CACNA1C: variants seen among roughly 807,000 people sequenced by gnomAD.
The protein encoded by CACNA1C is calcium voltage-gated channel subunit alpha1 C.
CACNA1C carries 30 observed loss-of-function variants against 229.0 expected under a neutral mutation model. That is an observed-to-expected ratio of 0.13 (90% confidence interval 0.10 to 0.18). The LOEUF is 0.18. Ranked by LOEUF, CACNA1C falls within the 10% of genes least tolerant of loss-of-function variation. The pLI is 1.00. For synonymous variants in CACNA1C, 1,114 were observed against 1,132.5 expected (o/e 0.98, Z 0.33); for missense variants, 1,658 against 2,845.0 (o/e 0.58, Z 9.49).
At chr12:2,272,169 A>G (rs1409712878) in intron 3 of CACNA1C, among the ~76,000 whole-genome samples, 2 of 152,140 alleles carry the variant, frequency 1.3e-5, no homozygotes, top group African/African-American at 4.8e-5. Context: ...CCTGTCTACA[A>G]TCTGCTGTCT....
At chr12:2,206,417 C>T (rs1266686266) in intron 3 of CACNA1C, among the ~76,000 whole-genome samples, 1 of 152,196 alleles carries the variant, frequency 6.6e-6, no homozygotes, top group East Asian at 1.9e-4. Context: ...AGAGCTTGGG[C>T]TTTGGAATGG....
chr12:2,252,641 G>A (rs2075996035), intron 3 of CACNA1C, among the ~76,000 whole-genome samples: 1 of 152,216 alleles, frequency 6.6e-6, no homozygotes, highest in African/African-American at 2.4e-5. Flanking sequence ...GGCCTGGTGG[G>A]TTCCAGGAGA....
intron 3 of CACNA1C, among the ~76,000 whole-genome samples, chr12:2,149,280 C>G (rs569134395): frequency 1.7e-3 from 252 of 152,212 alleles, no homozygotes; most frequent in Non-Finnish European, 2.1e-3. Flanking sequence ...CATGCCAGGC[C>G]AGTGTGAAGA....
intron 3 of CACNA1C, among the ~76,000 whole-genome samples, chr12:2,192,452 G>A (rs2097269321): frequency 6.6e-6 from 1 of 152,216 alleles, no homozygotes; most frequent in Admixed American, 6.5e-5. Flanking sequence ...AGGCCGGGCC[G>A]GCTCACGTGG....
chr12:2,227,321 G>T (rs543095463), intron 3 of CACNA1C, among the ~76,000 whole-genome samples: 1 of 152,316 alleles, frequency 6.6e-6, no homozygotes, highest in Admixed American at 6.5e-5. Flanking sequence ...GAGTTTCCCA[G>T]ACAGACACTT....
At chr12:2,546,550 C>T (rs1329489728) in intron 9 of CACNA1C, among the ~76,000 whole-genome samples, 1 of 152,226 alleles carries the variant, frequency 6.6e-6, no homozygotes, top group East Asian at 1.9e-4. Context: ...CTGGGGTCTT[C>T]ACATTCTTCC....
chr12:2,686,565 G>A (rs1018295290), intron 45 of CACNA1C, among the ~76,000 whole-genome samples: 4 of 152,242 alleles, frequency 2.6e-5, no homozygotes, highest in Admixed American at 2.0e-4. Context: ...TTCTTAGGCT[G>A]CCACAGATGC....
At chr12:1,982,440 C>T (rs1484348378) in intron 1 of CACNA1C, among the ~76,000 whole-genome samples, 3 of 152,136 alleles carry the variant, frequency 2.0e-5, no homozygotes, top group African/African-American at 7.2e-5. Flanking sequence ...AATTTGACTA[C>T]TCTAGGTACC....
chr12:2,688,886 C>A, intron 46 of CACNA1C, 107 bp downstream of exon 46: 2 of 933,578 alleles, frequency 2.1e-6, no homozygotes, highest in Non-Finnish European at 3.1e-6. Context: ...TCATTGCAGT[C>A]AATATCTGAG....
At chr12:1,999,495 C>T (rs919146937) in intron 1 of CACNA1C, among the ~76,000 whole-genome samples, 11 of 152,100 alleles carry the variant, frequency 7.2e-5, no homozygotes, top group African/African-American at 2.2e-4. Context: ...GCAGGAGGAT[C>T]GCTTGTGGCC....
At chr12:2,616,376 A>G (rs896915530) in intron 29 of CACNA1C, among the ~76,000 whole-genome samples, 1 of 152,196 alleles carries the variant, frequency 6.6e-6, no homozygotes, top group Admixed American at 6.5e-5. Context: ...CCAGAAGTTG[A>G]CGCATATATA....
intron 3 of CACNA1C, among the ~76,000 whole-genome samples, chr12:2,177,824 A>G (rs1425717665): frequency 6.6e-6 from 1 of 151,582 alleles, no homozygotes; most frequent in East Asian, 1.9e-4. Context: ...TTTAGTAGAG[A>G]TGGGATTTTG....
chr12:2,261,736 C>CCTTGTGCA (rs1313938579), intron 3 of CACNA1C, among the ~76,000 whole-genome samples: 5 of 151,694 alleles, frequency 3.3e-5, no homozygotes, highest in Non-Finnish European at 7.4e-5. Flanking sequence ...CTAGAAGGGT[C>CCTTGTGCA]CTTGTGCAAC....
chr12:2,539,908 A>G (rs11062266), intron 9 of CACNA1C, among the ~76,000 whole-genome samples: 18,435 of 140,620 alleles, frequency 0.13, 1,883 homozygotes, highest in African/African-American at 0.2. Flanking sequence ...GAAGCCAGCA[A>G]GTACAGTACC....
chr12:2,206,706 T>C (rs531203892), intron 3 of CACNA1C, among the ~76,000 whole-genome samples: 1 of 152,338 alleles, frequency 6.6e-6, no homozygotes, highest in South Asian at 2.1e-4. Context: ...TAATTTATTC[T>C]GTCAGCTGTC....
chr12:2,390,471 C>A (rs1051889024), intron 3 of CACNA1C, among the ~76,000 whole-genome samples: 1 of 152,186 alleles, frequency 6.6e-6, no homozygotes, highest in South Asian at 2.1e-4. Flanking sequence ...AAGATATAAT[C>A]CTTGCCTTAA....
intron 3 of CACNA1C, among the ~76,000 whole-genome samples, chr12:2,360,180 CA>C (rs2097524477): frequency 8.1e-6 from 1 of 122,808 alleles, no homozygotes; most frequent in Non-Finnish European, 1.7e-5. Flanking sequence ...CCCCACCCCA[CA>C]CACACACACA....
Position 2,514,859 on chromosome 12 carries a change from G to C in CACNA1C, c.1390+1875G>C, listed in dbSNP as rs377028241. Among the ~76,000 whole-genome samples the C allele has an allele frequency of 7.2e-5, 11 of 152,202 alleles. 1 individual carries two copies. The highest frequency in any genetic ancestry group is 6.2e-4 in the South Asian group (3 of 4,826). ...ATCTAACCCATTAAATGAATAAATTGTTAGGAGAGTTCCCAGCATGGAGTA... is the reference window on the plus strand; with the variant it reads ...ATCTAACCCATTAAATGAATAAATTCTTAGGAGAGTTCCCAGCATGGAGTA... On this transcript the variant is annotated intron_variant, in intron 9 of 46. Coordinates refer to ENST00000399655, the MANE Select transcript of CACNA1C (RefSeq NM_000719.7).
At chr12:2,120,606 C>T (rs1020337566) in intron 3 of CACNA1C, among the ~76,000 whole-genome samples, 176 bp downstream of exon 3, 1 of 151,962 alleles carries the variant, frequency 6.6e-6, no homozygotes, top group African/African-American at 2.4e-5. Context: ...GCACCTGTCT[C>T]ATTCCGGCCT....
Sources: gnomAD v4.1 joint callset for allele counts (sites outside exome capture counted in the v4.1 genomes callset) on GRCh38, gnomAD v4.1.1 for gene constraint, MANE v1.5 for transcripts, NCBI Gene and HGNC (gene_info 2026-07-23, HGNC 2026-07-21) for gene names.